ELL: variants seen among roughly 807,000 people sequenced by gnomAD.
ELL encodes RNA polymerase II elongation factor ELL.
In ELL, 18 loss-of-function variants were observed where a neutral mutation model predicts 64.0. The observed-to-expected ratio is 0.28, with a 90% CI of 0.19 to 0.42. The LOEUF (loss-of-function observed/expected upper bound fraction) is 0.42, where lower values mean the gene tolerates loss of function less well. Ranked by LOEUF, ELL falls within the 10% of genes least tolerant of loss-of-function variation. ELL has a pLI of 1.00. For synonymous variants in ELL, 399 were observed against 376.2 expected (o/e 1.06, Z -0.70); for missense variants, 797 against 870.4 (o/e 0.92, Z 1.06).
intron 8 of ELL, among the ~76,000 whole-genome samples, chr19:18,447,469 G>A (rs529685940): frequency 2.0e-4 from 31 of 152,320 alleles, no homozygotes; most frequent in African/African-American, 7.0e-4. Flanking sequence ...CACCCCAATC[G>A]GCCATCCATG....
At chr19:18,495,961 C>T (rs993893686) in intron 1 of ELL, among the ~76,000 whole-genome samples, 18 of 152,216 alleles carry the variant, frequency 1.2e-4, no homozygotes, top group Admixed American at 6.5e-4. Flanking sequence ...GGCTAGCCTC[C>T]GTGAGCCCCT....
intron 2 of ELL, among the ~76,000 whole-genome samples, chr19:18,466,589 G>A (rs931530939): frequency 3.3e-5 from 5 of 152,184 alleles, no homozygotes; most frequent in Admixed American, 1.3e-4. Context: ...CTGGGAGGAC[G>A]GACAGCCAGG....
chr19:18,504,827 G>A (rs984200049), intron 1 of ELL, among the ~76,000 whole-genome samples: 18 of 152,124 alleles, frequency 1.2e-4, no homozygotes, highest in Non-Finnish European at 2.4e-4. Context: ...ACTCTCCACG[G>A]AGCCCTGCCA....
At chr19:18,518,204 A>G (rs899117870) in intron 1 of ELL, among the ~76,000 whole-genome samples, 3 of 151,286 alleles carry the variant, frequency 2.0e-5, no homozygotes, top group African/African-American at 7.3e-5. Flanking sequence ...CAACAACAAC[A>G]ACAACAAAAA....
intron 1 of ELL, among the ~76,000 whole-genome samples, chr19:18,508,926 G>A (rs919561845): frequency 3.3e-5 from 5 of 152,116 alleles, no homozygotes; most frequent in Non-Finnish European, 7.4e-5. Flanking sequence ...CACTCTGTCC[G>A]CGTCCTAACA....
rs549047069 is a variant in ELL, at chr19:18,457,258, A to T, written c.869+947T>A. Among the ~76,000 whole-genome samples the T allele has an allele frequency of 6.6e-5, 10 of 152,192 alleles. 1 individual carries two copies. In the East Asian group the frequency reaches 1.9e-3, roughly 29 times the overall value. ...GGTGCAGCCCAGCCTTCTCCACCTCACTCCACTAGCTCTGGGCAGTTCTCC... is the reference window on the plus strand; with the variant it reads ...GGTGCAGCCCAGCCTTCTCCACCTCTCTCCACTAGCTCTGGGCAGTTCTCC... On this transcript the variant is annotated intron_variant, in intron 6 of 11. Coordinates refer to ENST00000262809, the MANE Select transcript of ELL (RefSeq NM_006532.4).
At position 18,443,414 on chromosome 19, in the gene ELL, T is replaced by A. The variant is rs1452324647; in HGVS notation, c.*1338A>T. On this transcript the variant is annotated 3_prime_UTR_variant, in exon 12 of 12. Transcript: ENST00000262809. ...AAATAGACATCTGTATTTTTGCATT[T>A]CTGTTCTCCCTGCCTGACTGCTGAT... 4.3e-6 allele frequency: 1 copy of A among 233,108 alleles called. No homozygotes were observed. Among genetic ancestry groups the A allele is most frequent in the Admixed American group, 5.6e-5 (1 of 17,762 alleles). 14.4% of individuals were successfully genotyped at this position (233,108 alleles called of 1,614,324 possible). A position where few individuals can be genotyped will look rare whatever the true frequency, so the allele number is the denominator to read the frequency against.
intron 1 of ELL, among the ~76,000 whole-genome samples, chr19:18,495,045 G>A (rs1206591997): frequency 6.6e-6 from 1 of 152,194 alleles, no homozygotes; most frequent in African/African-American, 2.4e-5. Context: ...TAGGCCCTGG[G>A]AACTCATCAG....
chr19:18,503,893 G>C (rs1489682738), intron 1 of ELL, among the ~76,000 whole-genome samples: 8 of 152,138 alleles, frequency 5.3e-5, no homozygotes, highest in Admixed American at 5.2e-4. Flanking sequence ...CACACGTGGG[G>C]GCCTGGCTGC....
At chr19:18,493,435 G>C (rs1975575446) in intron 1 of ELL, among the ~76,000 whole-genome samples, 1 of 152,250 alleles carries the variant, frequency 6.6e-6, no homozygotes, top group African/African-American at 2.4e-5. Context: ...GCCAGGGCAG[G>C]GAGGGCTGGC....
At chr19:18,509,852 C>A (rs1328666564) in intron 1 of ELL, among the ~76,000 whole-genome samples, 1 of 152,196 alleles carries the variant, frequency 6.6e-6, no homozygotes. Flanking sequence ...CCCTGACCTG[C>A]AGGACCTCCA....
intron 6 of ELL, among the ~76,000 whole-genome samples, chr19:18,453,716 C>T (rs1974591321): frequency 6.6e-6 from 1 of 152,164 alleles, no homozygotes; most frequent in Non-Finnish European, 1.5e-5. Context: ...CAACACCATG[C>T]CTGGCTAATT....
intron 5 of ELL, among the ~76,000 whole-genome samples, chr19:18,460,976 G>C (rs555410755): frequency 2.0e-5 from 3 of 152,174 alleles, no homozygotes; most frequent in African/African-American, 4.8e-5. Context: ...ATGGGTGAGG[G>C]GGGTGGAAGG....
At chr19:18,516,312 A>G (rs1232856830) in intron 1 of ELL, among the ~76,000 whole-genome samples, 1 of 151,626 alleles carries the variant, frequency 6.6e-6, no homozygotes, top group Non-Finnish European at 1.5e-5. Flanking sequence ...CTCCCTTCAC[A>G]CCCTTCCCTG....
At chr19:18,466,144 T>TG (rs2144920911) in intron 2 of ELL, among the ~76,000 whole-genome samples, 1 of 152,270 alleles carries the variant, frequency 6.6e-6, no homozygotes, top group African/African-American at 2.4e-5. Flanking sequence ...CGGGTGGGCA[T>TG]GGGGCCAGGG....
At chr19:18,457,468 G>A (rs1312271035) in intron 6 of ELL, among the ~76,000 whole-genome samples, 1 of 152,226 alleles carries the variant, frequency 6.6e-6, no homozygotes, top group African/African-American at 2.4e-5. Context: ...CCTCTCAGGG[G>A]AGCAGAGTGG....
chr19:18,471,388 G>T, intron 2 of ELL: 1 of 444,738 alleles, frequency 2.2e-6, no homozygotes, highest in South Asian at 1.6e-5. Flanking sequence ...AACAAAACAA[G>T]GCTGGGCGTG....
At chr19:18,466,096 AAC>A (rs1312208749) in intron 2 of ELL, among the ~76,000 whole-genome samples, 178 bp from the exon 3 acceptor site, 1 of 152,162 alleles carries the variant, frequency 6.6e-6, no homozygotes, top group African/African-American at 2.4e-5. Flanking sequence ...CATCCTCAGC[AAC>A]ACACACTGCG....
chr19:18,457,902 T>C (rs896227502), intron 6 of ELL, among the ~76,000 whole-genome samples: 1 of 152,072 alleles, frequency 6.6e-6, no homozygotes, highest in Non-Finnish European at 1.5e-5. Context: ...TGAAGGGAAG[T>C]TGGGGACAGC....
Sources: gnomAD v4.1 joint callset for allele counts (sites outside exome capture counted in the v4.1 genomes callset) on GRCh38, gnomAD v4.1.1 for gene constraint, MANE v1.5 for transcripts, NCBI Gene and HGNC (gene_info 2026-07-23, HGNC 2026-07-21) for gene names.